The following ZNF510 variants were observed in gnomAD, a reference collection of about 807,000 sequenced individuals.
ZNF510 encodes the protein zinc finger protein 510.
In ZNF510, 15 loss-of-function variants were observed where a neutral mutation model predicts 18.1. That is an observed-to-expected ratio of 0.83 (90% confidence interval 0.55 to 1.28). The LOEUF (loss-of-function observed/expected upper bound fraction) is 1.28, where lower values mean the gene tolerates loss of function less well. Ranked by LOEUF, ZNF510 falls within the 50% of genes most tolerant of loss-of-function variation. The probability of loss-of-function intolerance (pLI) is 0.00; values close to 1 mark genes in which losing one functional copy is unlikely to be tolerated. For synonymous variants in ZNF510, 261 were observed against 266.4 expected (o/e 0.98, Z 0.20); for missense variants, 724 against 791.8 (o/e 0.91, Z 1.03).
rs1849385887 is a variant in ZNF510 at position 96,762,915 on chromosome 9, T to C, written c.352+203A>G. The C allele has an allele frequency of 6.4e-6, 3 of 471,516 alleles. No homozygotes were observed. In the East Asian group the frequency reaches 1.1e-4, roughly 18 times the overall value. The allele number at this position is 471,516 out of a possible 1,614,324, so 29.2% of individuals were successfully genotyped here. A position where few individuals can be genotyped will look rare whatever the true frequency, so the allele number is the denominator to read the frequency against. On this transcript the variant is annotated intron_variant, in intron 5 of 5. Transcript: ENST00000223428. The stretch of plus-strand genomic sequence containing the variant: ...ACATATTATGCTGGTTGGTGGCTTG[T>C]CTTTTCACCTTTTGAATAATATATT...
Position 96,759,064 on chromosome 9 carries a change from ACT to A in ZNF510, c.1764_1765del (p.Arg588SerfsTer13). The A allele has an allele frequency of 6.2e-7, 1 of 1,613,700 alleles. No homozygotes were observed. Among genetic ancestry groups the A allele is most frequent in the Non-Finnish European group, 8.5e-7 (1 of 1,179,908 alleles). ...CTCCCCAGTGTGAATTCTTTGATGCACTCTGAGGGTTGATGTCCGGGCAAAAG... is the reference window on the plus strand; with the variant it reads ...CTCCCCAGTGTGAATTCTTTGATGCACTGAGGGTTGATGTCCGGGCAAAAG... On this transcript the variant is annotated frameshift_variant, in exon 6 of 6. Coordinates refer to ENST00000223428, the MANE Select transcript of ZNF510 (RefSeq NM_014930.3). LOFTEE classifies it low-confidence loss of function (END_TRUNC).
intron 3 of ZNF510, among the ~76,000 whole-genome samples, chr9:96,773,529 G>A (rs28451644): frequency 0.069 from 10,416 of 151,724 alleles, 935 homozygotes; most frequent in African/African-American, 0.21. Context: ...AAGCCACGGA[G>A]CAAGGCCCTT....
intron 1 of ZNF510, among the ~76,000 whole-genome samples, chr9:96,776,587 C>T (rs1451734529): frequency 1.3e-5 from 2 of 152,242 alleles, no homozygotes; most frequent in East Asian, 3.9e-4. Context: ...TAAGCCTGGC[C>T]AATATGGTGA....
At chr9:96,776,523 C>T (rs1849707916) in intron 1 of ZNF510, among the ~76,000 whole-genome samples, 1 of 152,130 alleles carries the variant, frequency 6.6e-6, no homozygotes, top group Non-Finnish European at 1.5e-5. Context: ...GCCTGTAATC[C>T]CAGGACTGTG....
intron 5 of ZNF510, among the ~76,000 whole-genome samples, chr9:96,761,814 T>G (rs796656267): frequency 6.6e-6 from 1 of 152,232 alleles, no homozygotes; most frequent in South Asian, 2.1e-4. Context: ...TAATTTTTCC[T>G]TAAAGAATAC....
rs1442350141 is a variant in ZNF510 at position 96,776,098 on chromosome 9, GGAT to G, written c.-32_-30del. The stretch of plus-strand genomic sequence containing the variant: ...CAAGTCTGGTGCTCTCTGGGCAAGG[GGAT>G]GAAGAAGTGCCGCTGGTTGGGCAAA... On this transcript the variant is annotated 5_prime_UTR_variant, in exon 2 of 6. Coordinates refer to ENST00000223428, the MANE Select transcript of ZNF510 (RefSeq NM_014930.3). 6.3e-7 allele frequency: 1 copy of G among 1,582,328 alleles called. No homozygotes were observed. Among genetic ancestry groups the G allele is most frequent in the Non-Finnish European group, 8.6e-7 (1 of 1,162,484 alleles).
In ZNF510 at chr9:96,760,103, T is replaced by G. The variant is rs761587923; in HGVS notation, c.727A>C (p.Lys243Gln). The stretch of plus-strand genomic sequence containing the variant: ...TCCAAAGTTTGAAACTTTGGATGCT[T>G]GGGAAGATTTTCATTATAATTGAGA... ...KALNYNENLP[K>Q]HPKFQTLEQA... The change falls in exon 6 of 6, where the codon AAG becomes CAG. Residue 243 changes from lysine to glutamine, a missense_variant. Lys to Gln is a moderately conservative substitution (Grantham distance 53, BLOSUM62 1). Coordinates refer to ENST00000223428, the MANE Select transcript of ZNF510 (RefSeq NM_014930.3). 2 of 1,608,824 alleles carry G rather than the reference T, an allele frequency of 1.2e-6. No homozygotes were observed. The highest frequency in any genetic ancestry group is 1.7e-6 in the Non-Finnish European group (2 of 1,178,308).
Position 96,755,619 on chromosome 9 carries a change from G to A in ZNF510, c.*3159C>T, listed in dbSNP as rs1849176967. Among the ~76,000 whole-genome samples, 2 of 152,122 alleles carry A rather than the reference G, an allele frequency of 1.3e-5. No homozygotes were observed. Among genetic ancestry groups the A allele is most frequent in the Non-Finnish European group, 2.9e-5 (2 of 68,024 alleles). The stretch of plus-strand genomic sequence containing the variant: ...CAATTATCCTTCTGTGAAAAATTCA[G>A]TAGCAGGCCAGAAAGATGGGTATTA... On this transcript the variant is annotated 3_prime_UTR_variant, in exon 6 of 6. Transcript: ENST00000223428.
At chr9:96,770,320 C>A (rs974904289) in intron 3 of ZNF510, among the ~76,000 whole-genome samples, 1 of 151,700 alleles carries the variant, frequency 6.6e-6, no homozygotes, top group Admixed American at 6.6e-5. Flanking sequence ...CCAGGTGTGG[C>A]GGCTCACACC....
chr9:96,768,889 AAAAAG>A (rs2118021266), intron 3 of ZNF510, among the ~76,000 whole-genome samples: 2 of 152,318 alleles, frequency 1.3e-5, no homozygotes, highest in East Asian at 3.9e-4. Flanking sequence ...AATCTAGAAA[AAAAAG>A]AAAAAAAATT....
chr9:96,766,165 A>C (rs1849466343), intron 3 of ZNF510, among the ~76,000 whole-genome samples: 1 of 152,138 alleles, frequency 6.6e-6, no homozygotes, highest in African/African-American at 2.4e-5. Flanking sequence ...ATGAGAACTG[A>C]CTGTATATAA....
chr9:96,776,247 T>C lies in ZNF510; in HGVS notation c.-176-2A>G. ...CCTGTTCCTGGGGCTCCCTCCTTCC[T>C]GCAACATAAAGAGCTGCTTTGCTCC... is the stretch of plus-strand genomic sequence containing the variant. On this transcript the variant is annotated splice_acceptor_variant, in intron 1 of 5. Coordinates refer to ENST00000223428, the MANE Select transcript of ZNF510 (RefSeq NM_014930.3). LOFTEE classifies it low-confidence loss of function (5UTR_SPLICE). 2 of 1,232,070 alleles carry C rather than the reference T, an allele frequency of 1.6e-6. No individual in the cohort carries two copies. The highest frequency in any genetic ancestry group is 2.1e-6 in the Non-Finnish European group (2 of 940,382). The allele number at this position is 1,232,070 out of a possible 1,614,324, so 76.3% of individuals were successfully genotyped here.
intron 3 of ZNF510, 74 bp from the exon 4 acceptor site, chr9:96,763,706 T>C: frequency 7.2e-7 from 1 of 1,398,114 alleles, no homozygotes; most frequent in African/African-American, 1.5e-5. Context: ...TGAAAACAAT[T>C]CTTATCAGGT....
intron 3 of ZNF510, among the ~76,000 whole-genome samples, chr9:96,770,468 G>A (rs562407191): frequency 1.5e-4 from 23 of 151,958 alleles, no homozygotes; most frequent in African/African-American, 2.4e-4. Context: ...CAGGCATGAC[G>A]GTGGGTGCCT....
Position 96,759,198 on chromosome 9 carries a change from G to A in ZNF510, c.1632C>T (p.Tyr544=). The A allele has an allele frequency of 6.2e-7, 1 of 1,612,574 alleles. No homozygotes were observed. Among genetic ancestry groups the A allele is most frequent in the Non-Finnish European group, 8.5e-7 (1 of 1,179,578 alleles). ...HQRTHTGEKT[Y]QCNECEKSFW... ...AGGATTTTTCACATTCATTACACTG[G>A]TAAGTTTTCTCCCCAGTGTGAGTTC... Residue 544 remains tyrosine (Y), a synonymous_variant, in exon 6 of 6, where the codon TAC becomes TAT. Coordinates refer to ENST00000223428, the MANE Select transcript of ZNF510 (RefSeq NM_014930.3).
intron 5 of ZNF510, among the ~76,000 whole-genome samples, chr9:96,761,610 T>A (rs1332608170): frequency 1.3e-5 from 2 of 152,052 alleles, no homozygotes; most frequent in Non-Finnish European, 2.9e-5. Context: ...TGCTTAGAAT[T>A]CACCAGTCTC....
Position 96,777,582 on chromosome 9 carries a change from C to G in ZNF510, c.-177+452G>C, listed in dbSNP as rs369781749. The G allele has an allele frequency of 1.3e-4, 20 of 152,294 alleles. No individual in the cohort carries two copies. The East Asian group carries it at 3.7e-3, about 28-fold the overall frequency. 9.4% of individuals were successfully genotyped at this position (152,294 alleles called of 1,614,324 possible). On this transcript the variant is annotated intron_variant, in intron 1 of 5. Transcript: ENST00000223428. Reference sequence around the variant, plus strand: ...AAATGCTTTACAGGGGATGGCTTACCTCTGAACGACACAAAGCAGTTTTTA... The same window carrying G: ...AAATGCTTTACAGGGGATGGCTTACGTCTGAACGACACAAAGCAGTTTTTA...
Position 96,756,059 on chromosome 9 carries a change from C to A in ZNF510, c.*2719G>T, listed in dbSNP as rs1407709116. The A allele has an allele frequency of 6.6e-6, 1 of 152,048 alleles. No individual in the cohort carries two copies. Among genetic ancestry groups the A allele is most frequent in the Admixed American group, 6.5e-5 (1 of 15,268 alleles). The allele number at this position is 152,048 out of a possible 1,614,324, so 9.4% of individuals were successfully genotyped here. A position where few individuals can be genotyped will look rare whatever the true frequency, so the allele number is the denominator to read the frequency against. ...CCAGTCAGTCTTATCAGAAAATAGT[C>A]TCTTATTATGGGCATCTACTTGAGC... On this transcript the variant is annotated 3_prime_UTR_variant, in exon 6 of 6. Coordinates refer to ENST00000223428, the MANE Select transcript of ZNF510 (RefSeq NM_014930.3).
Position 96,755,755 on chromosome 9 carries a change from A to T in ZNF510, c.*3023T>A, listed in dbSNP as rs986673838. ...AAATGACAATTTAGTATATATTTAA[A>T]ATCAGTGGGAAAAAGGTGAATTAAT... On this transcript the variant is annotated 3_prime_UTR_variant, in exon 6 of 6. Transcript: ENST00000223428. 2.0e-5 allele frequency: 3 copies of T among 152,226 alleles called. No homozygotes were observed. The highest frequency in any genetic ancestry group is 4.4e-5 in the Non-Finnish European group (3 of 68,034). The allele number at this position is 152,226 out of a possible 1,614,324, so 9.4% of individuals were successfully genotyped here. A position where few individuals can be genotyped will look rare whatever the true frequency, so the allele number is the denominator to read the frequency against.
Sources: gnomAD v4.1 joint callset for allele counts (sites outside exome capture counted in the v4.1 genomes callset) on GRCh38, gnomAD v4.1.1 for gene constraint, MANE v1.5 for transcripts, NCBI Gene and HGNC (gene_info 2026-07-23, HGNC 2026-07-21) for gene names.